Variants in SEPTIN10 observed in about 807,000 individuals in gnomAD.
SEPTIN10 encodes the protein septin 10.
SEPTIN10 carries 66 observed loss-of-function variants against 54.8 expected under a neutral mutation model. The observed-to-expected ratio is 1.21, with a 90% CI of 0.99 to 1.48. The LOEUF (loss-of-function observed/expected upper bound fraction) is 1.48, where lower values mean the gene tolerates loss of function less well. Ranked by LOEUF, SEPTIN10 falls within the 40% of genes most tolerant of loss-of-function variation. The pLI is 0.00. For synonymous variants in SEPTIN10, 161 were observed against 181.0 expected (o/e 0.89, Z 0.89); for missense variants, 620 against 545.6 (o/e 1.14, Z -1.36).
intron 1 of SEPTIN10, among the ~76,000 whole-genome samples, chr2:109,596,936 T>A (rs900480296): frequency 2.6e-5 from 4 of 152,342 alleles, no homozygotes; most frequent in South Asian, 2.1e-4. Flanking sequence ...TTAATTTTTT[T>A]AAAATTTATT....
intron 8 of SEPTIN10, among the ~76,000 whole-genome samples, chr2:109,557,809 A>G (rs1399059937): frequency 1.3e-5 from 2 of 151,378 alleles, no homozygotes; most frequent in African/African-American, 4.9e-5. Context: ...TTGCTATACT[A>G]TTCCCTTTTC....
intron 8 of SEPTIN10, among the ~76,000 whole-genome samples, chr2:109,554,635 C>T (rs1424341297): frequency 6.6e-6 from 1 of 152,200 alleles, no homozygotes; most frequent in African/African-American, 2.4e-5. Context: ...GCCAACTCCA[C>T]ACAGACAGTG....
intron 5 of SEPTIN10, among the ~76,000 whole-genome samples, chr2:109,568,515 G>C (rs1049040937): frequency 1.3e-5 from 2 of 151,808 alleles, no homozygotes; most frequent in African/African-American, 2.4e-5. Flanking sequence ...GGGATTACAG[G>C]CACCTCAATC....
chr2:109,553,978 T>A (rs903643033), intron 8 of SEPTIN10, among the ~76,000 whole-genome samples: 2 of 152,204 alleles, frequency 1.3e-5, no homozygotes, highest in Admixed American at 6.5e-5. Context: ...ATTTTTACCA[T>A]AGGGTAATTG....
chr2:109,565,170 A>G (rs1489983268), intron 7 of SEPTIN10, among the ~76,000 whole-genome samples: 2 of 152,166 alleles, frequency 1.3e-5, no homozygotes, highest in East Asian at 1.9e-4. Flanking sequence ...TAAAAATGTT[A>G]TATTTTCTCA....
chr2:109,545,782 C>G, intron 10 of SEPTIN10: 1 of 1,426,656 alleles, frequency 7.0e-7, no homozygotes, highest in South Asian at 1.6e-5. Flanking sequence ...GCTAACTGAT[C>G]CTTTTCACAC....
At chr2:109,545,475 T>C in intron 10 of SEPTIN10, 1 of 1,536,186 alleles carries the variant, frequency 6.5e-7, no homozygotes, top group South Asian at 1.2e-5. Context: ...TCTGCGTCTT[T>C]ACGTCCACCA....
chr2:109,574,384 T>C (rs1264777005), intron 5 of SEPTIN10, among the ~76,000 whole-genome samples, 197 bp downstream of exon 5: 3 of 142,870 alleles, frequency 2.1e-5, no homozygotes, highest in African/African-American at 7.8e-5. Context: ...GGTTTGAGGC[T>C]GCAGTAAGCC....
In SEPTIN10 at chr2:109,584,138, C is replaced by T. The variant is rs565631166; in HGVS notation, c.413+988G>A. 5.9e-5 allele frequency among the ~76,000 whole-genome samples: 9 copies of T among 152,072 alleles called. 1 individual carries two copies. The highest frequency in any genetic ancestry group is 2.1e-4 in the South Asian group (1 of 4,808). On this transcript the variant is annotated intron_variant, in intron 4 of 10. Coordinates refer to ENST00000397712, the MANE Select transcript of SEPTIN10 (RefSeq NM_144710.5). ...CCTGCAAATGTACCCCAAATCTAAA[C>T]GAAAAATTGAAATTATTTTTTAAAA... is the stretch of plus-strand genomic sequence containing the variant.
chr2:109,568,626 T>C (rs1328932005), intron 5 of SEPTIN10, among the ~76,000 whole-genome samples: 1 of 152,172 alleles, frequency 6.6e-6, no homozygotes, highest in East Asian at 1.9e-4. Context: ...TGCAATTTCA[T>C]CATACACTTA....
chr2:109,573,081 C>G (rs980740819), intron 5 of SEPTIN10, among the ~76,000 whole-genome samples: 1 of 152,178 alleles, frequency 6.6e-6, no homozygotes, highest in African/African-American at 2.4e-5. Context: ...TAGGCTCTTA[C>G]TGGGTATGCC....
intron 7 of SEPTIN10, among the ~76,000 whole-genome samples, chr2:109,565,393 T>C (rs536128825): frequency 1.7e-4 from 26 of 152,306 alleles, no homozygotes; most frequent in African/African-American, 6.3e-4. Flanking sequence ...ATTCTGGAAA[T>C]AGCCGGCAAT....
chr2:109,569,945 G>A (rs918814358), intron 5 of SEPTIN10, among the ~76,000 whole-genome samples: 1 of 151,976 alleles, frequency 6.6e-6, no homozygotes, highest in African/African-American at 2.4e-5. Context: ...GGCAAGATGA[G>A]GTCAGCAAGG....
At chr2:109,583,687 A>T (rs1481149290) in intron 4 of SEPTIN10, among the ~76,000 whole-genome samples, 1 of 152,178 alleles carries the variant, frequency 6.6e-6, no homozygotes, top group African/African-American at 2.4e-5. Flanking sequence ...ACATGTACTC[A>T]TATGTTTCAT....
At chr2:109,549,093 CAT>C (rs1240220382) in intron 9 of SEPTIN10, among the ~76,000 whole-genome samples, 11 of 152,226 alleles carry the variant, frequency 7.2e-5, no homozygotes, top group East Asian at 5.8e-4. Flanking sequence ...AAAAAAGTTA[CAT>C]GTTAGGTATG....
At chr2:109,594,034 T>C (rs1694710219) in intron 1 of SEPTIN10, among the ~76,000 whole-genome samples, 1 of 152,192 alleles carries the variant, frequency 6.6e-6, no homozygotes, top group African/African-American at 2.4e-5. Context: ...CCCAAAATCA[T>C]ACAAGCCAGT....
intron 1 of SEPTIN10, among the ~76,000 whole-genome samples, chr2:109,593,468 T>A (rs1189011260): frequency 6.8e-6 from 1 of 146,344 alleles, no homozygotes; most frequent in African/African-American, 2.6e-5. Flanking sequence ...TGCAATGGCA[T>A]GATCTCGGCT....
Position 109,593,082 on chromosome 2 carries a change from A to G in SEPTIN10, c.68T>C (p.Met23Thr), listed in dbSNP as rs1480568851. 1 of 1,601,752 alleles carries G rather than the reference A, an allele frequency of 6.2e-7. No individual in the cohort carries two copies. The highest frequency in any genetic ancestry group is 8.5e-7 in the Non-Finnish European group (1 of 1,174,808). ...QSHMATKTTCMSSQGSDDEQI... is the reference protein window; with the variant it reads ...QSHMATKTTCTSSQGSDDEQI... ...TTCATCATCTGATCCTTGTGAAGAC[A>G]TACAAGTTGTTTTCGTTGCCATGTG... Residue 23 changes from methionine to threonine, a missense_variant, in exon 2 of 11, where the codon ATG becomes ACG. Met to Thr is a moderately conservative substitution (Grantham distance 81). Coordinates refer to ENST00000397712, the MANE Select transcript of SEPTIN10 (RefSeq NM_144710.5).
At chr2:109,568,162 G>A (rs1687522872) in intron 5 of SEPTIN10, among the ~76,000 whole-genome samples, 186 bp from the exon 6 acceptor site, 1 of 151,960 alleles carries the variant, frequency 6.6e-6, no homozygotes, top group Admixed American at 6.6e-5. Context: ...ACACTGCCAT[G>A]CCCATTTGCT....
Sources: allele counts gnomAD v4.1 joint callset (sites outside exome capture counted in the v4.1 genomes callset), GRCh38; gene constraint gnomAD v4.1.1; transcripts MANE v1.5; gene names NCBI Gene and HGNC (gene_info 2026-07-23, HGNC 2026-07-21).